Variants in BLTP1 observed in about 807,000 individuals in gnomAD.
BLTP1 encodes the protein fragile site-associated protein.
the BLTP1 span, chr4:122,290,846 CACAT>C: frequency 1.8e-3 from 243 of 135,470 alleles, 1 homozygote; most frequent in South Asian, 3.3e-3. Flanking sequence ...CACACACACA[CACAT>C]AATATTATAT....
the BLTP1 span, chr4:122,171,898 G>C: frequency 2.0e-6 from 2 of 985,048 alleles, no homozygotes; most frequent in Non-Finnish European, 2.4e-6. Flanking sequence ...AAAAGACTAC[G>C]ATTCCTGGCT....
At chr4:122,354,354 G>C in the BLTP1 span, among the ~76,000 whole-genome samples, 13 of 152,104 alleles carry the variant, frequency 8.5e-5, no homozygotes, top group Admixed American at 8.5e-4. Context: ...GAAGTTTGGG[G>C]AGGTTGTTAC....
the BLTP1 span, chr4:122,197,489 CT>C: frequency 3.6e-6 from 3 of 833,230 alleles, no homozygotes; most frequent in Non-Finnish European, 4.3e-6. Flanking sequence ...GTCTTATATG[CT>C]TTTATTATAA....
At chr4:122,196,723 C>T in the BLTP1 span, 1 of 1,610,534 alleles carries the variant, frequency 6.2e-7, no homozygotes, top group Non-Finnish European at 8.5e-7. Flanking sequence ...AAGACAGATC[C>T]TTGCTTTTGA....
the BLTP1 span, chr4:122,174,663 T>C: frequency 6.4e-7 from 1 of 1,558,394 alleles, no homozygotes; most frequent in Non-Finnish European, 8.8e-7. Context: ...GTAACAAAAT[T>C]AAAAAATTGA....
chr4:122,238,133 T>C, the BLTP1 span: 1 of 1,613,828 alleles, frequency 6.2e-7, no homozygotes, highest in Non-Finnish European at 8.5e-7. Context: ...GGAAAACAAA[T>C]CAGTGGGAAT....
the BLTP1 span, chr4:122,207,063 G>A: frequency 8.5e-6 from 13 of 1,536,812 alleles, no homozygotes; most frequent in African/African-American, 2.8e-5. Context: ...ACTTTTCTGA[G>A]TTTCAACTAA....
chr4:122,309,673 T>C, the BLTP1 span, among the ~76,000 whole-genome samples: 2 of 152,122 alleles, frequency 1.3e-5, no homozygotes, highest in Admixed American at 6.6e-5. Flanking sequence ...GGCATTCTTT[T>C]TGGTACTATA....
the BLTP1 span, among the ~76,000 whole-genome samples, chr4:122,352,666 A>T: frequency 6.6e-6 from 1 of 152,080 alleles, no homozygotes; most frequent in African/African-American, 2.4e-5. Context: ...AGCCTCAGAC[A>T]TATTAGTTTT....
chr4:122,168,251 C>T, the BLTP1 span, among the ~76,000 whole-genome samples: 2 of 152,180 alleles, frequency 1.3e-5, no homozygotes, highest in African/African-American at 4.8e-5. Flanking sequence ...CCTCTTCCCA[C>T]ATTCTTTTTC....
chr4:122,314,063 G>T, the BLTP1 span: 12 of 970,280 alleles, frequency 1.2e-5, no homozygotes, highest in Non-Finnish European at 1.3e-5. Context: ...TGTATAAAAA[G>T]AAGAGAATAT....
the BLTP1 span, among the ~76,000 whole-genome samples, chr4:122,258,150 C>A: frequency 6.6e-6 from 1 of 151,702 alleles, no homozygotes; most frequent in Non-Finnish European, 1.5e-5. Flanking sequence ...TTAAGCTTTG[C>A]CAAAGATTAA....
chr4:122,286,059 A>G, the BLTP1 span, among the ~76,000 whole-genome samples: 10 of 152,228 alleles, frequency 6.6e-5, no homozygotes, highest in African/African-American at 2.2e-4. Context: ...TTTATACTTT[A>G]TGAATGTTTC....
chr4:122,338,770 T>A, the BLTP1 span, among the ~76,000 whole-genome samples: 1 of 152,124 alleles, frequency 6.6e-6, no homozygotes, highest in Non-Finnish European at 1.5e-5. Context: ...CGGAAAAAAA[T>A]TCATATGTTA....
the BLTP1 span, among the ~76,000 whole-genome samples, chr4:122,321,961 A>G: frequency 1.2e-5 from 1 of 85,484 alleles, no homozygotes; most frequent in Non-Finnish European, 2.4e-5. Context: ...TAGTTTGATA[A>G]TGATATAACT....
the BLTP1 span, chr4:122,349,910 C>G: frequency 6.2e-7 from 1 of 1,613,710 alleles, no homozygotes; most frequent in Non-Finnish European, 8.5e-7. The surrounding 1 kb of genome is among the most constrained non-coding windows in gnomAD (Gnocchi z 4.5). Flanking sequence ...GTAATGATAT[C>G]AAGGTCAACC....
At chr4:122,252,983 G>C in the BLTP1 span, among the ~76,000 whole-genome samples, 1 of 152,170 alleles carries the variant, frequency 6.6e-6, no homozygotes. Flanking sequence ...GAGAAAGTAA[G>C]GGAAGATAAT....
At chr4:122,168,730 G>A in the BLTP1 span, among the ~76,000 whole-genome samples, 2 of 151,998 alleles carry the variant, frequency 1.3e-5, no homozygotes, top group Non-Finnish European at 2.9e-5. Flanking sequence ...GGAAAAAAAA[G>A]GATTATTGTA....
the BLTP1 span, chr4:122,226,450 A>C: frequency 1.6e-6 from 2 of 1,230,362 alleles, no homozygotes; most frequent in Non-Finnish European, 2.0e-6. Flanking sequence ...AAGTTGCTGA[A>C]GTGAAATTTT....
Sources: gnomAD v4.1 joint callset for allele counts (sites outside exome capture counted in the v4.1 genomes callset) on GRCh38, gnomAD v4.1.1 for gene constraint, Gnocchi (gnomAD v3.1) non-coding constraint, MANE v1.5 for transcripts, NCBI Gene and HGNC (gene_info 2026-07-23, HGNC 2026-07-21) for gene names.